ZFP91: variants seen among roughly 807,000 people sequenced by gnomAD.
The protein encoded by ZFP91 is E3 ubiquitin-protein ligase ZFP91.
A neutral mutation model predicts 63.5 loss-of-function variants in ZFP91; 7 were observed. The observed-to-expected ratio is 0.11, with a 90% CI of 0.06 to 0.21. The LOEUF (loss-of-function observed/expected upper bound fraction) is 0.21, where lower values mean the gene tolerates loss of function less well. Ranked by LOEUF, ZFP91 falls within the 10% of genes least tolerant of loss-of-function variation. The pLI is 1.00. For synonymous variants in ZFP91, 330 were observed against 272.1 expected, an observed-to-expected ratio of 1.21 and a Z score of -2.10; for missense variants, 628 against 736.6, an observed-to-expected ratio of 0.85 and a Z score of 1.71.
chr11:58,587,671 T>C (rs1855234321), intron 2 of ZFP91, among the ~76,000 whole-genome samples: 1 of 152,144 alleles, frequency 6.6e-6, no homozygotes, highest in Non-Finnish European at 1.5e-5. Flanking sequence ...TGTTGTACTT[T>C]GATTATAAAG....
rs1271722295 is a variant in ZFP91 at position 58,620,516 on chromosome 11, A to G, written c.*2810A>G. ...GCATCCCTCTTCTTTGTGGTTGCCC[A>G]AGGTTGTTTTGCGTAACTGAGACTC... On this transcript the variant is annotated 3_prime_UTR_variant, in exon 11 of 11. Coordinates refer to ENST00000316059, the MANE Select transcript of ZFP91 (RefSeq NM_053023.5). The G allele has an allele frequency of 6.6e-6, 1 of 152,614 alleles. No individual in the cohort carries two copies. The highest frequency in any genetic ancestry group is 1.5e-5 in the Non-Finnish European group (1 of 68,038). The allele number at this position is 152,614 out of a possible 1,614,324, so 9.5% of individuals were successfully genotyped here.
At chr11:58,586,664 G>A (rs928745506) in intron 2 of ZFP91, among the ~76,000 whole-genome samples, 2 of 152,158 alleles carry the variant, frequency 1.3e-5, no homozygotes, top group Admixed American at 6.5e-5. Flanking sequence ...ATTCATACAA[G>A]ATGAATGAAT....
At chr11:58,609,044 A>C (rs1404278045) in intron 2 of ZFP91, among the ~76,000 whole-genome samples, 1 of 152,172 alleles carries the variant, frequency 6.6e-6, no homozygotes, top group African/African-American at 2.4e-5. Flanking sequence ...TTTATTAAAG[A>C]ATCTTCTATT....
chr11:58,608,801 C>T (rs889469617), intron 2 of ZFP91, among the ~76,000 whole-genome samples: 9 of 152,124 alleles, frequency 5.9e-5, no homozygotes, highest in African/African-American at 2.2e-4. Context: ...GACGGGGTTT[C>T]ACCACGTTGG....
Position 58,579,102 on chromosome 11 carries a change from G to T in ZFP91, c.-180G>T. ...CGCGCCGCCAGCGGTAGCGGACCTT[G>T]AGTGGCAGGGGGTGGGGGGGGCGCC... is the stretch of plus-strand genomic sequence containing the variant. On this transcript the variant is annotated 5_prime_UTR_variant, in exon 1 of 11. Coordinates refer to ENST00000316059, the MANE Select transcript of ZFP91 (RefSeq NM_053023.5). 2.2e-6 allele frequency: 1 copy of T among 460,412 alleles called. No homozygotes were observed. Among genetic ancestry groups the T allele is most frequent in the Non-Finnish European group, 3.6e-6 (1 of 278,224 alleles). 28.5% of individuals were successfully genotyped at this position (460,412 alleles called of 1,614,324 possible). A position where few individuals can be genotyped will look rare whatever the true frequency, so the allele number is the denominator to read the frequency against.
At chr11:58,584,047 T>G (rs1855163363) in intron 1 of ZFP91, among the ~76,000 whole-genome samples, 1 of 152,042 alleles carries the variant, frequency 6.6e-6, no homozygotes, top group Non-Finnish European at 1.5e-5. Context: ...CCTCACCAGT[T>G]ACGTATGAGA....
chr11:58,583,362 T>C (rs1445321384), intron 1 of ZFP91, among the ~76,000 whole-genome samples: 1 of 152,088 alleles, frequency 6.6e-6, no homozygotes, highest in Non-Finnish European at 1.5e-5. Context: ...AGGAAAGTAG[T>C]TTTATTTTCT....
chr11:58,583,448 T>A (rs1441005734), intron 1 of ZFP91, among the ~76,000 whole-genome samples: 1 of 152,034 alleles, frequency 6.6e-6, no homozygotes, highest in Non-Finnish European at 1.5e-5. Flanking sequence ...TGACCTTTCT[T>A]GCTGTTTCCC....
rs1173199345 is a variant in ZFP91 at position 58,612,122 on chromosome 11, G to A, written c.858-156G>A. The A allele has an allele frequency of 5.6e-6, 4 of 718,674 alleles. No homozygotes were observed. The Admixed American group carries it at 1.2e-4, about 22-fold the overall frequency. 44.5% of individuals were successfully genotyped at this position (718,674 alleles called of 1,614,324 possible). On this transcript the variant is annotated intron_variant, in intron 6 of 10. Coordinates refer to ENST00000316059, the MANE Select transcript of ZFP91 (RefSeq NM_053023.5). ...AAATTACTTCAGGGTAAAATTACTT[G>A]CTTGATTTGCCAGATATATCTTTGA...
intron 1 of ZFP91, 117 bp downstream of exon 1, chr11:58,579,739 C>T: frequency 2.0e-6 from 2 of 1,000,094 alleles, no homozygotes; most frequent in Non-Finnish European, 1.4e-6. Flanking sequence ...CCTGCCGGCT[C>T]CGCACGCCAG....
At chr11:58,593,027 A>G (rs1227376564) in intron 2 of ZFP91, among the ~76,000 whole-genome samples, 1 of 152,128 alleles carries the variant, frequency 6.6e-6, no homozygotes, top group Non-Finnish European at 1.5e-5. Context: ...GAACTCACCT[A>G]TTACCACAGG....
intron 4 of ZFP91, 80 bp from the exon 5 acceptor site, chr11:58,610,870 C>G (rs1351862579): frequency 7.5e-7 from 1 of 1,341,364 alleles, no homozygotes; most frequent in Non-Finnish European, 1.0e-6. Context: ...TTGGCTACCT[C>G]TTAAAAAATT....
At chr11:58,607,451 C>G (rs1390180260) in intron 2 of ZFP91, among the ~76,000 whole-genome samples, 2 of 151,886 alleles carry the variant, frequency 1.3e-5, no homozygotes, top group Non-Finnish European at 2.9e-5. Flanking sequence ...GTATTTTCAC[C>G]TATATTAATG....
At chr11:58,599,839 G>C (rs1036075618) in intron 2 of ZFP91, among the ~76,000 whole-genome samples, 1 of 151,934 alleles carries the variant, frequency 6.6e-6, no homozygotes, top group Non-Finnish European at 1.5e-5. Flanking sequence ...TTAGGTCTTT[G>C]ATCCATTTTG....
chr11:58,596,190 AT>A (rs768406356), intron 2 of ZFP91, among the ~76,000 whole-genome samples: 9 of 152,228 alleles, frequency 5.9e-5, no homozygotes, highest in Non-Finnish European at 1.3e-4. Context: ...TATATTTACT[AT>A]TCATTAAGTG....
intron 2 of ZFP91, among the ~76,000 whole-genome samples, chr11:58,597,925 G>A (rs891783973): frequency 5.9e-5 from 9 of 152,056 alleles, no homozygotes; most frequent in African/African-American, 1.7e-4. Context: ...TATGGGTCCC[G>A]TAGTGTTAGT....
chr11:58,590,723 T>C (rs1855290049), intron 2 of ZFP91, among the ~76,000 whole-genome samples: 1 of 152,190 alleles, frequency 6.6e-6, no homozygotes, highest in Non-Finnish European at 1.5e-5. Flanking sequence ...TATCCCTGAG[T>C]ATTTCATATT....
intron 2 of ZFP91, among the ~76,000 whole-genome samples, chr11:58,594,552 A>G (rs922960522): frequency 6.6e-6 from 1 of 152,166 alleles, no homozygotes; most frequent in Admixed American, 6.5e-5. Flanking sequence ...TTGTGATTCT[A>G]TTTTTGTTTT....
Position 58,618,803 on chromosome 11 carries a change from T to A in ZFP91, c.*1097T>A, listed in dbSNP as rs907103646. 59 of 425,380 alleles carry A rather than the reference T, an allele frequency of 1.4e-4. No individual in the cohort carries two copies. In the East Asian group the frequency reaches 4.1e-3, roughly 29 times the overall value. 26.4% of individuals were successfully genotyped at this position (425,380 alleles called of 1,614,324 possible). On this transcript the variant is annotated 3_prime_UTR_variant, in exon 11 of 11. Transcript: ENST00000316059. ...ATAGCCTAGTGCTTTTTTGGAAGCCTTTTTAGGGAAGAATGTTAGGTTCAT... is the reference window on the plus strand; with the variant it reads ...ATAGCCTAGTGCTTTTTTGGAAGCCATTTTAGGGAAGAATGTTAGGTTCAT...
Sources: gnomAD v4.1 joint callset for allele counts (sites outside exome capture counted in the v4.1 genomes callset) on GRCh38, gnomAD v4.1.1 for gene constraint, MANE v1.5 for transcripts, NCBI Gene and HGNC (gene_info 2026-07-23, HGNC 2026-07-21) for gene names.